Variants in SAMD8 observed in about 807,000 individuals in gnomAD.
SAMD8 encodes the protein sterile alpha motif domain containing 8.
In SAMD8, 20 loss-of-function variants were observed where a neutral mutation model predicts 42.0. That is an observed-to-expected ratio of 0.48 (90% CI 0.34 to 0.69). The LOEUF is 0.69. Ranked by LOEUF, SAMD8 falls within the 30% of genes least tolerant of loss-of-function variation. The pLI is 0.01. For synonymous variants in SAMD8, 162 were observed against 173.0 expected, an observed-to-expected ratio of 0.94 and a Z score of 0.50; for missense variants, 328 against 511.6, an observed-to-expected ratio of 0.64 and a Z score of 3.46.
At position 75,178,277 on chromosome 10, in the gene SAMD8, C is replaced by A. The variant is rs1157346860; in HGVS notation, c.*1585C>A. ...TTTTGTATTTCTCACTTGAGAAATG[C>A]TGCAAGGCAATTCAACTTTTATGCT... is the stretch of plus-strand genomic sequence containing the variant. On this transcript the variant is annotated 3_prime_UTR_variant, in exon 6 of 6. Transcript: ENST00000542569. The A allele has an allele frequency of 2.0e-5, 3 of 152,186 alleles. No homozygotes were observed. The highest frequency in any genetic ancestry group is 4.8e-5 in the African/African-American group (2 of 41,438). The allele number at this position is 152,186 out of a possible 1,614,324, so 9.4% of individuals were successfully genotyped here.
chr10:75,166,325 T>TA (rs1840677377), intron 3 of SAMD8, among the ~76,000 whole-genome samples: 1 of 151,736 alleles, frequency 6.6e-6, no homozygotes, highest in Admixed American at 6.6e-5. Context: ...AAGATAAAAT[T>TA]AGTAGATATT....
intron 4 of SAMD8, among the ~76,000 whole-genome samples, chr10:75,170,778 T>G (rs965695007): frequency 1.4e-5 from 2 of 146,664 alleles, no homozygotes; most frequent in Non-Finnish European, 1.5e-5. Context: ...GGGTTTTTTT[T>G]TTTTTTTTTT....
At chr10:75,121,690 AT>A (rs1276512086) in intron 1 of SAMD8, among the ~76,000 whole-genome samples, 10 of 151,094 alleles carry the variant, frequency 6.6e-5, no homozygotes, top group Non-Finnish European at 1.2e-4. Flanking sequence ...GACCTTCTTA[AT>A]TTTTTTTTCT....
chr10:75,126,173 T>C (rs1343442067), intron 1 of SAMD8, among the ~76,000 whole-genome samples: 1 of 152,224 alleles, frequency 6.6e-6, no homozygotes, highest in Non-Finnish European at 1.5e-5. Context: ...ATAATTTTAC[T>C]ACTCCTTTAA....
At position 75,181,807 on chromosome 10, in the gene SAMD8, A is replaced by G. The variant is rs1452552610; in HGVS notation, c.*5115A>G. On this transcript the variant is annotated 3_prime_UTR_variant, in exon 6 of 6. Coordinates refer to ENST00000542569, the MANE Select transcript of SAMD8 (RefSeq NM_001174156.2). Reference sequence around the variant, plus strand: ...ATTCAGAGGATCTATGTATTATTAGAAAAATGAAGTATTTCTGACATGGAA... The same window carrying G: ...ATTCAGAGGATCTATGTATTATTAGGAAAATGAAGTATTTCTGACATGGAA... The G allele has an allele frequency of 6.6e-6, 1 of 152,254 alleles. No homozygotes were observed. The highest frequency in any genetic ancestry group is 1.5e-5 in the Non-Finnish European group (1 of 68,046). 9.4% of individuals were successfully genotyped at this position (152,254 alleles called of 1,614,324 possible). A position where few individuals can be genotyped will look rare whatever the true frequency, so the allele number is the denominator to read the frequency against.
In SAMD8 at chr10:75,177,022, T is replaced by C. The variant is rs957853868; in HGVS notation, c.*330T>C. The C allele has an allele frequency of 5.2e-6, 1 of 190,894 alleles. No homozygotes were observed. The highest frequency in any genetic ancestry group is 2.3e-5 in the African/African-American group (1 of 42,666). The allele number at this position is 190,894 out of a possible 1,614,324, so 11.8% of individuals were successfully genotyped here. A position where few individuals can be genotyped will look rare whatever the true frequency, so the allele number is the denominator to read the frequency against. ...CAAGTCAACTTGAGCAGTTTGCTGG[T>C]TGAGGAATTTTCATTGATTTCCAGT... On this transcript the variant is annotated 3_prime_UTR_variant, in exon 6 of 6. Coordinates refer to ENST00000542569, the MANE Select transcript of SAMD8 (RefSeq NM_001174156.2).
chr10:75,140,005 A>T (rs1027510277), intron 1 of SAMD8, among the ~76,000 whole-genome samples: 1 of 152,196 alleles, frequency 6.6e-6, no homozygotes, highest in African/African-American at 2.4e-5. Context: ...GTTTTTACAT[A>T]TGGGTATCCA....
chr10:75,150,699 G>A lies in SAMD8; in HGVS notation c.171G>A (p.Leu57=). The A allele has an allele frequency of 6.2e-7, 1 of 1,614,098 alleles. No homozygotes were observed. Among genetic ancestry groups the A allele is most frequent in the Non-Finnish European group, 8.5e-7 (1 of 1,180,016 alleles). ...LTEYDLRSPP[L]EIKVLGDIKR... is the part of the protein sequence containing the mutation. ...AATATGATCTCCGGTCTCCTCCTCT[G>A]GAAATCAAAGTCTTAGGGGACATTA... is the stretch of plus-strand genomic sequence containing the variant. The change falls in exon 2 of 6, where the codon CTG becomes CTA. Residue 57 remains leucine (L), a synonymous_variant. Transcript: ENST00000542569.
chr10:75,132,795 C>T (rs778799420), intron 1 of SAMD8, among the ~76,000 whole-genome samples: 1 of 151,628 alleles, frequency 6.6e-6, no homozygotes, highest in Non-Finnish European at 1.5e-5. Context: ...TCAAGACCAG[C>T]CTGGGCATCC....
intron 2 of SAMD8, among the ~76,000 whole-genome samples, chr10:75,160,231 C>CG (rs1381450217): frequency 3.3e-5 from 5 of 152,020 alleles, no homozygotes; most frequent in African/African-American, 1.2e-4. Context: ...GAGTCTTGCT[C>CG]TGTCGCCCAG....
upstream of SAMD8, chr10:75,111,400 G>C: frequency 1.3e-6 from 1 of 767,366 alleles, no homozygotes. Flanking sequence ...TCTCCTCTCG[G>C]GCCCATCTGG....
At chr10:75,107,548 C>T (rs543181761), upstream of SAMD8, among the ~76,000 whole-genome samples, 2 of 152,046 alleles carry the variant, frequency 1.3e-5, no homozygotes, top group South Asian at 2.1e-4. Context: ...GAATCGGGTT[C>T]GACAAAATGC....
intron 4 of SAMD8, among the ~76,000 whole-genome samples, chr10:75,170,111 CT>C (rs1840814008): frequency 1.3e-5 from 2 of 152,130 alleles, no homozygotes; most frequent in Admixed American, 6.5e-5. Context: ...CAAAATAAGA[CT>C]GTTAAAATCG....
intron 1 of SAMD8, among the ~76,000 whole-genome samples, chr10:75,100,882 G>A (rs1015237742): frequency 6.6e-6 from 1 of 152,244 alleles, no homozygotes; most frequent in Non-Finnish European, 1.5e-5. Flanking sequence ...ACGCTGCTCT[G>A]TGTGCCCAAG....
At chr10:75,164,220 AAAC>A (rs768644538) in intron 2 of SAMD8, among the ~76,000 whole-genome samples, 30 of 152,118 alleles carry the variant, frequency 2.0e-4, no homozygotes, top group Non-Finnish European at 4.0e-4. Context: ...CCTGTTTCAA[AAAC>A]AACAACAACA....
Position 75,176,043 on chromosome 10 carries a change from T to C in SAMD8, c.793-23T>C. ...CCACCTCCCTAAGCATTTGAAGCACTAATTCATAACTTTTCTTCATAGATA... is the reference window on the plus strand; with the variant it reads ...CCACCTCCCTAAGCATTTGAAGCACCAATTCATAACTTTTCTTCATAGATA... On this transcript the variant is annotated intron_variant, in intron 4 of 5. Transcript: ENST00000542569. This position sits in a 1 kb window ranked among gnomAD's most constrained non-coding sequence, Gnocchi z 4.3. The C allele has an allele frequency of 6.2e-7, 1 of 1,602,558 alleles. No individual in the cohort carries two copies.
intron 1 of SAMD8, among the ~76,000 whole-genome samples, chr10:75,113,437 T>A (rs1293364348): frequency 6.6e-6 from 1 of 151,930 alleles, no homozygotes; most frequent in Admixed American, 6.6e-5. Context: ...CAGGCTTAAG[T>A]GATCCTCCCA....
At chr10:75,107,917 G>C, upstream of SAMD8, 1 of 1,478,088 alleles carries the variant, frequency 6.8e-7, no homozygotes, top group South Asian at 1.3e-5. Flanking sequence ...GGAGGGCACT[G>C]ATGACTGAGA....
chr10:75,133,768 G>C (rs548460419), intron 1 of SAMD8, among the ~76,000 whole-genome samples: 1 of 152,326 alleles, frequency 6.6e-6, no homozygotes, highest in East Asian at 1.9e-4. Flanking sequence ...AGTTAATCTT[G>C]TAGAAGTAGA....
Sources: gnomAD v4.1 joint callset for allele counts (sites outside exome capture counted in the v4.1 genomes callset) on GRCh38, gnomAD v4.1.1 for gene constraint, Gnocchi (gnomAD v3.1) non-coding constraint, MANE v1.5 for transcripts, NCBI Gene and HGNC (gene_info 2026-07-23, HGNC 2026-07-21) for gene names.